VPS13B: variants seen among roughly 807,000 people sequenced by gnomAD.
The protein encoded by VPS13B is vacuolar protein sorting 13 homolog B.
A neutral mutation model predicts 426.4 loss-of-function variants in VPS13B; 285 were observed. The observed-to-expected ratio is 0.67, with a 90% confidence interval of 0.61 to 0.74. VPS13B has a LOEUF of 0.74. VPS13B is among the 30% of genes least tolerant of loss of function. VPS13B has a pLI of 0.00. For missense variants in VPS13B, 4,537 were observed against 4,782.6 expected (o/e 0.95, Z 1.51); for synonymous variants, 1,676 against 1,676.4 (o/e 1.00, Z 0.01).
chr8:99,332,640 A>C (rs1810607847), intron 19 of VPS13B, among the ~76,000 whole-genome samples: 1 of 151,660 alleles, frequency 6.6e-6, no homozygotes, highest in South Asian at 2.1e-4. Context: ...GCTATTCTTC[A>C]GAACATCCTT....
In VPS13B at chr8:99,332,447, A is replaced by G. The variant is rs941983031; in HGVS notation, c.2825-51761A>G. ...AGAACAGTTAATTTTTTTTTGTTCAATCAGTTCAAGTGTTTTAGATCAAAT... is the reference window on the plus strand; with the variant it reads ...AGAACAGTTAATTTTTTTTTGTTCAGTCAGTTCAAGTGTTTTAGATCAAAT... On this transcript the variant is annotated intron_variant, in intron 19 of 61. Transcript: ENST00000357162. Among the ~76,000 whole-genome samples the G allele has an allele frequency of 9.9e-5, 15 of 151,616 alleles. 1 individual carries two copies. The highest frequency in any genetic ancestry group is 9.2e-4 in the Admixed American group (14 of 15,180).
chr8:99,045,010 A>G (rs954184878), intron 3 of VPS13B, among the ~76,000 whole-genome samples: 2 of 151,878 alleles, frequency 1.3e-5, no homozygotes, highest in African/African-American at 4.8e-5. Context: ...TGTGTGCTTT[A>G]AACCCATGTG....
At chr8:99,413,567 T>A (rs965117950) in intron 21 of VPS13B, among the ~76,000 whole-genome samples, 1 of 152,220 alleles carries the variant, frequency 6.6e-6, no homozygotes, top group African/African-American at 2.4e-5. Flanking sequence ...TGTGGGCATT[T>A]AGTGCTATAA....
intron 3 of VPS13B, among the ~76,000 whole-genome samples, chr8:99,095,259 T>A (rs1350782728): frequency 6.6e-6 from 1 of 152,192 alleles, no homozygotes; most frequent in Non-Finnish European, 1.5e-5. Flanking sequence ...TTGTTAACAT[T>A]ACCCCATTTT....
chr8:99,138,161 T>C (rs1383085423), intron 12 of VPS13B, among the ~76,000 whole-genome samples: 2 of 152,312 alleles, frequency 1.3e-5, no homozygotes, highest in Non-Finnish European at 2.9e-5. Flanking sequence ...AGACAGAGTT[T>C]TGCTCTGTTG....
intron 23 of VPS13B, among the ~76,000 whole-genome samples, chr8:99,442,838 G>A (rs1817742217): frequency 5.9e-5 from 9 of 151,926 alleles, no homozygotes; most frequent in Admixed American, 5.3e-4. Context: ...TATGTTATCT[G>A]TAAAAGATCA....
chr8:99,098,042 G>A (rs1191591487), intron 4 of VPS13B, among the ~76,000 whole-genome samples: 1 of 152,180 alleles, frequency 6.6e-6, no homozygotes, highest in Non-Finnish European at 1.5e-5. Context: ...TCACTATCAT[G>A]TATCTTTCTC....
intron 2 of VPS13B, among the ~76,000 whole-genome samples, chr8:99,036,519 TTTCC>T (rs1267320423): frequency 2.0e-5 from 3 of 152,182 alleles, no homozygotes; most frequent in Non-Finnish European, 4.4e-5. Flanking sequence ...GTTGTTTATT[TTTCC>T]TTCCTCTGTG....
intron 17 of VPS13B, among the ~76,000 whole-genome samples, chr8:99,220,722 T>C (rs1027471872): frequency 6.6e-6 from 1 of 152,034 alleles, no homozygotes; most frequent in Non-Finnish European, 1.5e-5. Context: ...TGAGTTTGGA[T>C]TGATTCTACA....
intron 15 of VPS13B, among the ~76,000 whole-genome samples, chr8:99,167,045 G>T (rs1165514189): frequency 6.6e-6 from 1 of 152,172 alleles, no homozygotes; most frequent in Non-Finnish European, 1.5e-5. Context: ...TACATCAAAT[G>T]AAGTATCATA....
chr8:99,165,669 A>T (rs921056909), intron 15 of VPS13B, among the ~76,000 whole-genome samples: 3 of 152,216 alleles, frequency 2.0e-5, no homozygotes, highest in Non-Finnish European at 4.4e-5. Flanking sequence ...GTTTTCATAC[A>T]CATTTTACGG....
intron 43 of VPS13B, chr8:99,796,649 G>A (rs1381828276): frequency 6.6e-6 from 1 of 152,210 alleles, no homozygotes; most frequent in Non-Finnish European, 1.5e-5. Context: ...TCGTGAGTCT[G>A]TTGGTCAGAC....
At position 99,853,788 on chromosome 8, in the gene VPS13B, A is replaced by G; in HGVS notation, c.10399A>G (p.Lys3467Glu). 1 of 1,614,232 alleles carries G rather than the reference A, an allele frequency of 6.2e-7. No individual in the cohort carries two copies. Among genetic ancestry groups the G allele is most frequent in the Non-Finnish European group, 8.5e-7 (1 of 1,180,018 alleles). Residue 3467 changes from lysine to glutamate, a missense_variant, in exon 56 of 62, where the codon AAA becomes GAA. Lys to Glu is a moderately conservative substitution (Grantham distance 56, BLOSUM62 1). Transcript: ENST00000357162. Reference sequence around the variant, plus strand: ...AATGCAGAGTCTCCTCATATCCAACAAAGAGTTGGAAGAATACAAGGAAAA... The same window carrying G: ...AATGCAGAGTCTCCTCATATCCAACGAAGAGTTGGAAGAATACAAGGAAAA... ...SKMQSLLISN[K>E]ELEEYKEKCF...
At chr8:99,319,046 A>T (rs1169505349) in intron 19 of VPS13B, among the ~76,000 whole-genome samples, 5 of 152,156 alleles carry the variant, frequency 3.3e-5, no homozygotes, top group South Asian at 4.1e-4. Context: ...TAAGCTTATG[A>T]TTTATGAATA....
chr8:99,839,476 A>C (rs559822204), intron 54 of VPS13B, among the ~76,000 whole-genome samples: 1 of 152,364 alleles, frequency 6.6e-6, no homozygotes, highest in East Asian at 1.9e-4. Context: ...GGGAAGATAA[A>C]GCCTTTGATC....
At chr8:99,692,933 T>A (rs1260164796) in intron 35 of VPS13B, among the ~76,000 whole-genome samples, 1 of 149,602 alleles carries the variant, frequency 6.7e-6, no homozygotes, top group Non-Finnish European at 1.5e-5. Flanking sequence ...ACAAATAAAC[T>A]AGAAAATCTA....
At chr8:99,063,922 G>T (rs1844334134) in intron 3 of VPS13B, among the ~76,000 whole-genome samples, 1 of 152,196 alleles carries the variant, frequency 6.6e-6, no homozygotes, top group African/African-American at 2.4e-5. Flanking sequence ...TTTCTGTTCT[G>T]CAGCCCTTCG....
chr8:99,118,122 G>A (rs1218565103), intron 7 of VPS13B, among the ~76,000 whole-genome samples: 1 of 152,130 alleles, frequency 6.6e-6, no homozygotes, highest in Admixed American at 6.5e-5. Context: ...GAAGATACTT[G>A]ATTTATTTTT....
intron 21 of VPS13B, 40 bp from the exon 22 acceptor site, chr8:99,431,497 G>A (rs545314669): frequency 6.8e-6 from 11 of 1,609,906 alleles, no homozygotes; most frequent in African/African-American, 1.3e-5. Flanking sequence ...GAAATTGTAA[G>A]TTATGTTTCT....
Sources: allele counts gnomAD v4.1 joint callset (sites outside exome capture counted in the v4.1 genomes callset), GRCh38; gene constraint gnomAD v4.1.1; transcripts MANE v1.5; gene names NCBI Gene and HGNC (gene_info 2026-07-23, HGNC 2026-07-21).